TMEM245: variants seen among roughly 807,000 people sequenced by gnomAD.
TMEM245 encodes the protein protein CG-2.
In TMEM245, 69 loss-of-function variants were observed where a neutral mutation model predicts 101.2. That is an observed-to-expected ratio of 0.68 (90% CI 0.56 to 0.83). The LOEUF (loss-of-function observed/expected upper bound fraction) is 0.83. TMEM245 is among the 40% of genes least tolerant of loss of function. The pLI, the probability that TMEM245 is intolerant of heterozygous loss-of-function variation, is 0.00. For synonymous variants in TMEM245, 537 were observed against 449.8 expected, an observed-to-expected ratio of 1.19 and a Z score of -2.45; for missense variants, 1,075 against 1,092.8, an observed-to-expected ratio of 0.98 and a Z score of 0.23.
chr9:109,035,705 T>C (rs1828096623), intron 16 of TMEM245, among the ~76,000 whole-genome samples: 1 of 152,114 alleles, frequency 6.6e-6, no homozygotes, highest in African/African-American at 2.4e-5. Flanking sequence ...TGTCACTAAA[T>C]CAAGAGAAAA....
At chr9:109,030,705 T>C (rs1474402621) in intron 17 of TMEM245, among the ~76,000 whole-genome samples, 1 of 152,148 alleles carries the variant, frequency 6.6e-6, no homozygotes, top group Non-Finnish European at 1.5e-5. Flanking sequence ...GGGAAGGCCC[T>C]TGTCAAAATC....
Position 109,119,864 on chromosome 9 carries a change from G to A in TMEM245, c.50C>T (p.Pro17Leu), listed in dbSNP as rs1217721408. ...PKDAPSLRSS[P>L]GPAPRVPRAV... ...GCGCGGGACCCGCGGCGCCGGCCCG[G>A]GAGAGCTCCGCAGGCTTGGCGCGTC... Residue 17 changes from proline (P) to leucine (L), a missense_variant, in exon 1 of 18, where the codon CCC becomes CTC. By Grantham distance (98) the Pro-to-Leu change is moderately conservative (BLOSUM62 -3). Coordinates refer to ENST00000374586, the MANE Select transcript of TMEM245 (RefSeq NM_032012.4). The A allele has an allele frequency of 2.3e-6, 3 of 1,323,230 alleles. No individual in the cohort carries two copies. Among genetic ancestry groups the A allele is most frequent in the African/African-American group, 1.5e-5 (1 of 64,754 alleles). The allele number at this position is 1,323,230 out of a possible 1,614,324, so 82.0% of individuals were successfully genotyped here.
intron 2 of TMEM245, among the ~76,000 whole-genome samples, chr9:109,107,190 C>A (rs560314298): frequency 6.6e-6 from 1 of 151,640 alleles, no homozygotes; most frequent in South Asian, 2.1e-4. Context: ...GAGTTCGAGA[C>A]CAGCCTGGCC....
intron 12 of TMEM245, among the ~76,000 whole-genome samples, chr9:109,053,077 C>G (rs1055609785): frequency 6.6e-6 from 1 of 152,114 alleles, no homozygotes; most frequent in African/African-American, 2.4e-5. Context: ...AAGGCAGGCA[C>G]AATAGCAAGG....
At chr9:109,091,919 A>G (rs1347617870) in intron 4 of TMEM245, among the ~76,000 whole-genome samples, 2 of 152,192 alleles carry the variant, frequency 1.3e-5, no homozygotes, top group African/African-American at 4.8e-5. Context: ...TAAAACTTGC[A>G]TTTTGCCTTC....
chr9:109,117,411 C>T (rs1318198239), intron 1 of TMEM245, among the ~76,000 whole-genome samples: 1 of 152,176 alleles, frequency 6.6e-6, no homozygotes, highest in African/African-American at 2.4e-5. Flanking sequence ...AGCCACCGCG[C>T]CCGGCCAATT....
intron 5 of TMEM245, among the ~76,000 whole-genome samples, chr9:109,088,355 T>C (rs1564199913): frequency 2.0e-5 from 3 of 152,190 alleles, no homozygotes; most frequent in Non-Finnish European, 4.4e-5. Context: ...GAAAAGCTTT[T>C]AGGGGCCACC....
chr9:109,111,777 TAC>T (rs1564213491), intron 1 of TMEM245, among the ~76,000 whole-genome samples: 2 of 152,200 alleles, frequency 1.3e-5, no homozygotes, highest in African/African-American at 4.8e-5. Flanking sequence ...TATACAGTGC[TAC>T]AGTGTCAATT....
At chr9:109,079,297 C>A (rs551191590) in intron 8 of TMEM245, among the ~76,000 whole-genome samples, 72 of 151,892 alleles carry the variant, frequency 4.7e-4, no homozygotes, top group African/African-American at 1.6e-3. Context: ...AAGGTGGAGC[C>A]AAAAAGGATT....
chr9:109,083,623 C>T (rs984595783), intron 7 of TMEM245, among the ~76,000 whole-genome samples: 1 of 151,964 alleles, frequency 6.6e-6, no homozygotes, highest in African/African-American at 2.4e-5. Context: ...ACTAACTGGC[C>T]TATTTATCAA....
In TMEM245 at chr9:109,017,071, C is replaced by T. The variant is rs1827468525; in HGVS notation, c.*3389G>A. The T allele has an allele frequency of 6.6e-6, 1 of 152,066 alleles. No homozygotes were observed. The highest frequency in any genetic ancestry group is 6.6e-5 in the Admixed American group (1 of 15,258). 9.4% of individuals were successfully genotyped at this position (152,066 alleles called of 1,614,324 possible). ...CCAGTAGTGACACATTCCTGAGGCA[C>T]TAATATAACCCAAATGGAAACTACA... is the stretch of plus-strand genomic sequence containing the variant. On this transcript the variant is annotated 3_prime_UTR_variant, in exon 18 of 18. Transcript: ENST00000374586.
chr9:109,060,478 G>A lies in TMEM245; in HGVS notation c.1624-26C>T, dbSNP rs1196564712. 3.3e-6 allele frequency: 5 copies of A among 1,506,380 alleles called. No homozygotes were observed. In the East Asian group the frequency reaches 9.1e-5, roughly 27 times the overall value. The allele number at this position is 1,506,380 out of a possible 1,614,324, so 93.3% of individuals were successfully genotyped here. ...CTAGAAAAAAACACAGATACGACGTGGTACAATATTTCAGGCAACAACAGA... is the reference window on the plus strand; with the variant it reads ...CTAGAAAAAAACACAGATACGACGTAGTACAATATTTCAGGCAACAACAGA... On this transcript the variant is annotated intron_variant, in intron 10 of 17. Coordinates refer to ENST00000374586, the MANE Select transcript of TMEM245 (RefSeq NM_032012.4).
At chr9:109,097,736 T>C (rs964528123) in intron 3 of TMEM245, among the ~76,000 whole-genome samples, 2 of 152,080 alleles carry the variant, frequency 1.3e-5, no homozygotes, top group African/African-American at 4.8e-5. Flanking sequence ...CTGGCCAACA[T>C]GGTGAAACCC....
intron 3 of TMEM245, among the ~76,000 whole-genome samples, chr9:109,098,944 G>A (rs1021711247): frequency 6.6e-6 from 1 of 152,182 alleles, no homozygotes; most frequent in Non-Finnish European, 1.5e-5. Context: ...ACAACTCAAC[G>A]ATGAGCAGAC....
rs72760346 is a variant in TMEM245, at chr9:109,084,084, T to A, written c.1344+1913A>T. Reference sequence around the variant, plus strand: ...ACAGAGTGAGATCCTGTCTCAAATTTAAAAAAAAAAAAAGGAAAAGAAATA... The same window carrying A: ...ACAGAGTGAGATCCTGTCTCAAATTAAAAAAAAAAAAAAGGAAAAGAAATA... On this transcript the variant is annotated intron_variant, in intron 7 of 17. Coordinates refer to ENST00000374586, the MANE Select transcript of TMEM245 (RefSeq NM_032012.4). Among the ~76,000 whole-genome samples, 9 of 141,000 alleles carry A rather than the reference T, an allele frequency of 6.4e-5. No homozygotes were observed. In the South Asian group the frequency reaches 1.1e-3, roughly 18 times the overall value. The allele number at this position is 141,000 out of a possible 152,430, so 92.5% of individuals were successfully genotyped here.
At chr9:109,027,645 T>C (rs1428893984) in intron 17 of TMEM245, among the ~76,000 whole-genome samples, 1 of 152,064 alleles carries the variant, frequency 6.6e-6, no homozygotes, top group African/African-American at 2.4e-5. Flanking sequence ...GTAACACATA[T>C]CACAATCCAC....
At chr9:109,075,529 A>G (rs377138082) in intron 8 of TMEM245, among the ~76,000 whole-genome samples, 1 of 152,144 alleles carries the variant, frequency 6.6e-6, no homozygotes, top group African/African-American at 2.4e-5. Flanking sequence ...CACTAATTCA[A>G]TTTCTTGTCC....
At chr9:109,087,044 C>T (rs1829860275) in intron 6 of TMEM245, 129 bp downstream of exon 6, 2 of 796,774 alleles carry the variant, frequency 2.5e-6, no homozygotes, top group Non-Finnish European at 3.6e-6. Context: ...AAACATTAAA[C>T]TTTCATCATA....
intron 17 of TMEM245, among the ~76,000 whole-genome samples, chr9:109,027,549 T>G (rs1827825979): frequency 6.6e-6 from 1 of 152,118 alleles, no homozygotes; most frequent in African/African-American, 2.4e-5. Flanking sequence ...GCTCTTTCTT[T>G]GAGGAATATA....
Sources: allele counts gnomAD v4.1 joint callset (sites outside exome capture counted in the v4.1 genomes callset), GRCh38; gene constraint gnomAD v4.1.1; transcripts MANE v1.5; gene names NCBI Gene and HGNC (gene_info 2026-07-23, HGNC 2026-07-21).